GMPS: variants seen among roughly 807,000 people sequenced by gnomAD.
The protein encoded by GMPS is guanosine monophosphate synthase.
GMPS carries 15 observed loss-of-function variants against 77.9 expected under a neutral mutation model. The observed-to-expected ratio is 0.19, with a 90% CI of 0.13 to 0.30. The LOEUF is 0.30. GMPS is among the 10% of genes least tolerant of loss of function. The pLI is 1.00. For missense variants in GMPS, 590 were observed against 838.8 expected (o/e 0.70, Z 3.66); for synonymous variants, 224 against 275.9 (o/e 0.81, Z 1.86).
rs1755845267 is a variant in GMPS, at chr3:155,939,702, T to G, written c.*2010T>G. ...ATACTTAATATAATATTGGGAAAAT[T>G]GTTACTCCAAAGCACATCTTGACAT... On this transcript the variant is annotated 3_prime_UTR_variant, in exon 16 of 16. Coordinates refer to ENST00000496455, the MANE Select transcript of GMPS (RefSeq NM_003875.3). 5.2e-6 allele frequency: 1 copy of G among 193,182 alleles called. No homozygotes were observed. The highest frequency in any genetic ancestry group is 1.1e-5 in the Non-Finnish European group (1 of 92,494). 12.0% of individuals were successfully genotyped at this position (193,182 alleles called of 1,614,324 possible).
chr3:155,903,110 A>G (rs1243588590), intron 3 of GMPS, among the ~76,000 whole-genome samples: 3 of 152,208 alleles, frequency 2.0e-5, no homozygotes, highest in African/African-American at 4.8e-5. Flanking sequence ...GTTAAGGCAG[A>G]TATCTTCTGA....
intron 14 of GMPS, among the ~76,000 whole-genome samples, chr3:155,935,885 C>G (rs1276930260): frequency 2.0e-5 from 3 of 152,032 alleles, no homozygotes; most frequent in Admixed American, 6.6e-5. Context: ...GTTAATGAAT[C>G]TATAATAAAT....
intron 1 of GMPS, among the ~76,000 whole-genome samples, chr3:155,886,609 GACTTTTTT>G (rs1754344334): frequency 9.0e-6 from 1 of 111,668 alleles, no homozygotes; most frequent in Non-Finnish European, 1.8e-5. Flanking sequence ...TATTCCTGAT[GACTTTTTT>G]TTTTTTTTTT....
intron 13 of GMPS, among the ~76,000 whole-genome samples, chr3:155,933,206 GAAA>G (rs748186459): frequency 6.8e-6 from 1 of 147,856 alleles, no homozygotes; most frequent in Non-Finnish European, 1.5e-5. Flanking sequence ...AAAGGAAAAA[GAAA>G]AAAAAAAGAA....
chr3:155,883,662 A>C (rs2108058150), intron 1 of GMPS, among the ~76,000 whole-genome samples: 1 of 152,270 alleles, frequency 6.6e-6, no homozygotes, highest in African/African-American at 2.4e-5. Flanking sequence ...TTGGTTCTTC[A>C]TGCAAACAGG....
At chr3:155,881,035 T>C (rs545320929) in intron 1 of GMPS, among the ~76,000 whole-genome samples, 1 of 152,294 alleles carries the variant, frequency 6.6e-6, no homozygotes, top group South Asian at 2.1e-4. Flanking sequence ...CATTCTTATG[T>C]ATTTCTGTTA....
intron 11 of GMPS, among the ~76,000 whole-genome samples, chr3:155,923,967 G>A (rs192785911): frequency 2.0e-5 from 3 of 152,188 alleles, no homozygotes; most frequent in Admixed American, 6.5e-5. Flanking sequence ...TGCAACCTCC[G>A]CCTCCCAGGT....
In GMPS at chr3:155,870,866, C is replaced by T; in HGVS notation, c.-5C>T. 6.6e-7 allele frequency: 1 copy of T among 1,505,802 alleles called. No homozygotes were observed. Among genetic ancestry groups the T allele is most frequent in the South Asian group, 1.2e-5 (1 of 80,992 alleles). The allele number at this position is 1,505,802 out of a possible 1,614,324, so 93.3% of individuals were successfully genotyped here. A position where few individuals can be genotyped will look rare whatever the true frequency, so the allele number is the denominator to read the frequency against. On this transcript the variant is annotated 5_prime_UTR_variant, in exon 1 of 16. Transcript: ENST00000496455. ...GTCACCGCCGCGGCTCCGGCCCTGGCCCCGATGGCTCTGTGCAACGGAGAC... is the reference window on the plus strand; with the variant it reads ...GTCACCGCCGCGGCTCCGGCCCTGGTCCCGATGGCTCTGTGCAACGGAGAC...
chr3:155,941,372 C>A lies in GMPS; in HGVS notation c.*3680C>A. On this transcript the variant is annotated 3_prime_UTR_variant, in exon 16 of 16. Transcript: ENST00000496455. Reference sequence around the variant, plus strand: ...TGAGCTGAGATAGTGCCACTGCACTCCGGCCTGGTGAAAGAGCGAGACTCA... The same window carrying A: ...TGAGCTGAGATAGTGCCACTGCACTACGGCCTGGTGAAAGAGCGAGACTCA... 5.6e-6 allele frequency: 1 copy of A among 178,134 alleles called. No individual in the cohort carries two copies. The highest frequency in any genetic ancestry group is 1.2e-5 in the Non-Finnish European group (1 of 85,050). The allele number at this position is 178,134 out of a possible 1,614,324, so 11.0% of individuals were successfully genotyped here.
chr3:155,874,920 T>C (rs2108044468), intron 1 of GMPS, among the ~76,000 whole-genome samples: 1 of 144,308 alleles, frequency 6.9e-6, no homozygotes, highest in African/African-American at 2.6e-5. Flanking sequence ...TTTTTTTTTT[T>C]TTTTTGAGAC....
intron 1 of GMPS, among the ~76,000 whole-genome samples, chr3:155,876,874 T>C (rs1754061276): frequency 6.6e-6 from 1 of 152,244 alleles, no homozygotes; most frequent in African/African-American, 2.4e-5. Flanking sequence ...CCAGCAGCAC[T>C]GAACCTGACC....
intron 3 of GMPS, among the ~76,000 whole-genome samples, chr3:155,898,595 G>T (rs373040775): frequency 1.4e-4 from 21 of 152,290 alleles, no homozygotes; most frequent in African/African-American, 4.6e-4. Context: ...TTTAGTTGTT[G>T]TTTCTTTAGA....
intron 1 of GMPS, among the ~76,000 whole-genome samples, chr3:155,880,972 CAA>C (rs1488948227): frequency 6.6e-6 from 1 of 151,688 alleles, no homozygotes; most frequent in East Asian, 1.9e-4. Flanking sequence ...ATCATAAAGA[CAA>C]AGTCACCGAG....
intron 4 of GMPS, among the ~76,000 whole-genome samples, chr3:155,905,023 T>A (rs1397295512): frequency 2.6e-5 from 4 of 152,060 alleles, no homozygotes; most frequent in African/African-American, 9.7e-5. Flanking sequence ...TAATTTAATT[T>A]AATTTTTTTT....
Position 155,936,510 on chromosome 3 carries a change from G to C in GMPS, c.1980G>C (p.Glu660Asp). 6.4e-7 allele frequency: 1 copy of C among 1,574,794 alleles called. No individual in the cohort carries two copies. The highest frequency in any genetic ancestry group is 8.7e-7 in the Non-Finnish European group (1 of 1,145,620). ...PATPGNEIPV[E>D]VVLKMVTEIK... is the part of the protein sequence containing the mutation. ...CACCTGGCAATGAGATCCCTGTAGA[G>C]GTAATTTATATATTTTTTTCTAATG... is the stretch of plus-strand genomic sequence containing the variant. Residue 660 changes from glutamate (E) to aspartate (D), a missense_variant and splice_region_variant, in exon 15 of 16, where the codon GAG (glutamate) becomes GAC (aspartate). Coordinates refer to ENST00000496455, the MANE Select transcript of GMPS (RefSeq NM_003875.3).
At chr3:155,925,883 G>A (rs1755441859) in intron 12 of GMPS, among the ~76,000 whole-genome samples, 1 of 152,110 alleles carries the variant, frequency 6.6e-6, no homozygotes, top group Non-Finnish European at 1.5e-5. Flanking sequence ...CCCTGTACTA[G>A]GGAACACATT....
chr3:155,932,238 G>GA (rs1253659962), intron 13 of GMPS, among the ~76,000 whole-genome samples: 1 of 150,416 alleles, frequency 6.6e-6, no homozygotes, highest in East Asian at 2.0e-4. Flanking sequence ...CAGAAGGATT[G>GA]AAAAAAGTAT....
chr3:155,920,429 G>A (rs1163091629), intron 10 of GMPS, among the ~76,000 whole-genome samples: 1 of 151,926 alleles, frequency 6.6e-6, no homozygotes, highest in African/African-American at 2.4e-5. Context: ...AGAAAAATTA[G>A]CCAGGTGTGG....
Position 155,922,309 on chromosome 3 carries a change from T to G in GMPS, c.1434+7T>G, listed in dbSNP as rs927564397. 3 of 1,045,944 alleles carry G rather than the reference T, an allele frequency of 2.9e-6. No homozygotes were observed. In the African/African-American group the frequency reaches 4.8e-5, roughly 17 times the overall value. The allele number at this position is 1,045,944 out of a possible 1,614,324, so 64.8% of individuals were successfully genotyped here. On this transcript the variant is annotated splice_region_variant and intron_variant, in intron 11 of 15. Coordinates refer to ENST00000496455, the MANE Select transcript of GMPS (RefSeq NM_003875.3). Reference sequence around the variant, plus strand: ...TTCTGCAAGTGTTAAAAAGGTAATATTTGATACAGCTAATCATTACAAGAA... The same window carrying G: ...TTCTGCAAGTGTTAAAAAGGTAATAGTTGATACAGCTAATCATTACAAGAA...
Sources: allele counts gnomAD v4.1 joint callset (sites outside exome capture counted in the v4.1 genomes callset), GRCh38; gene constraint gnomAD v4.1.1; transcripts MANE v1.5; gene names NCBI Gene and HGNC (gene_info 2026-07-23, HGNC 2026-07-21).